TRIM2: variants seen among roughly 807,000 people sequenced by gnomAD.
TRIM2 encodes tripartite motif containing 2.
In TRIM2, 20 loss-of-function variants were observed where a neutral mutation model predicts 75.2. The ratio of observed to expected loss-of-function variants is 0.27; its 90% CI spans 0.19 to 0.39. TRIM2 has a LOEUF of 0.39. Among genes scored for constraint, TRIM2 ranks in the 10% least tolerant of loss-of-function variants. The pLI is 1.00. For missense variants in TRIM2, 660 were observed against 990.8 expected, an observed-to-expected ratio of 0.67 and a Z score of 4.48; for synonymous variants, 373 against 388.3, an observed-to-expected ratio of 0.96 and a Z score of 0.46.
At chr4:153,169,378 CTTTA>C (rs745621300) in intron 1 of TRIM2, among the ~76,000 whole-genome samples, 1 of 152,156 alleles carries the variant, frequency 6.6e-6, no homozygotes, top group Non-Finnish European at 1.5e-5. Context: ...ATCCAGTTTG[CTTTA>C]TTTAACAGTT....
At chr4:153,244,450 G>A (rs1424749072) in intron 1 of TRIM2, among the ~76,000 whole-genome samples, 1 of 122,586 alleles carries the variant, frequency 8.2e-6, no homozygotes, top group East Asian at 2.5e-4. Flanking sequence ...AATTAGAGAG[G>A]AGGCCTCACT....
chr4:153,337,140 T>A lies in TRIM2; in HGVS notation c.*2174T>A. ...GCACAAAAGACAGGCTAGACTCTTGTCTAGATTGTTTAAAAGAAACTTTTC... is the reference window on the plus strand; with the variant it reads ...GCACAAAAGACAGGCTAGACTCTTGACTAGATTGTTTAAAAGAAACTTTTC... On this transcript the variant is annotated 3_prime_UTR_variant, in exon 12 of 12. Transcript: ENST00000338700. 12 of 985,442 alleles carry A rather than the reference T, an allele frequency of 1.2e-5. No homozygotes were observed. Among genetic ancestry groups the A allele is most frequent in the Non-Finnish European group, 1.4e-5 (12 of 829,924 alleles). 61.0% of individuals were successfully genotyped at this position (985,442 alleles called of 1,614,324 possible).
At chr4:153,253,763 C>T (rs970265269) in intron 1 of TRIM2, among the ~76,000 whole-genome samples, 3 of 152,136 alleles carry the variant, frequency 2.0e-5, no homozygotes, top group Admixed American at 1.3e-4. Context: ...CTCCCACCAG[C>T]GCTGCGACAG....
At chr4:153,275,715 C>T (rs1757858289) in intron 2 of TRIM2, among the ~76,000 whole-genome samples, 178 bp from the exon 3 acceptor site, 1 of 152,160 alleles carries the variant, frequency 6.6e-6, no homozygotes, top group Non-Finnish European at 1.5e-5. Flanking sequence ...AATCATTTGC[C>T]TCATTAGTGT....
In TRIM2 at chr4:153,276,066, T is replaced by C; in HGVS notation, c.389T>C (p.Ile130Thr). The C allele has an allele frequency of 1.2e-6, 2 of 1,614,200 alleles. No homozygotes were observed. The highest frequency in any genetic ancestry group is 1.1e-5 in the South Asian group (1 of 91,074). ...TPGSNAEESS[I>T]LETVTAVAAG... ...GGCAGCAACGCTGAGGAGTCTTCCA[T>C]CCTGGAGACAGTCACTGCTGTGGCT... Residue 130 changes from isoleucine to threonine, a missense_variant, in exon 3 of 12, where the codon ATC becomes ACC. Around this residue, in one of 2 missense-constraint regions of TRIM2, gnomAD observed 620 missense variants for 891.0 expected, o/e 0.70. Coordinates refer to ENST00000338700, the MANE Select transcript of TRIM2 (RefSeq NM_015271.5).
At chr4:153,170,419 T>C (rs1436422946) in intron 1 of TRIM2, among the ~76,000 whole-genome samples, 3 of 152,162 alleles carry the variant, frequency 2.0e-5, no homozygotes, top group African/African-American at 7.2e-5. Flanking sequence ...AGCTTCAGGC[T>C]GATGGTGCAG....
At chr4:153,222,998 C>T (rs1189897172) in intron 1 of TRIM2, 4 of 152,250 alleles carry the variant, frequency 2.6e-5, no homozygotes, top group African/African-American at 9.7e-5. Context: ...CAGGCCACTC[C>T]GGAGCGCGCG....
chr4:153,288,605 T>C (rs1024245147), intron 3 of TRIM2, among the ~76,000 whole-genome samples: 1 of 152,194 alleles, frequency 6.6e-6, no homozygotes, highest in Non-Finnish European at 1.5e-5. Context: ...TTAAGTTTTT[T>C]GGATGTGTAG....
chr4:153,284,487 A>G, intron 3 of TRIM2, among the ~76,000 whole-genome samples: 1 of 152,136 alleles, frequency 6.6e-6, no homozygotes, highest in East Asian at 1.9e-4. Flanking sequence ...TACAGGCATG[A>G]GCCACCATGC....
intron 8 of TRIM2, among the ~76,000 whole-genome samples, chr4:153,316,873 C>CTTTTTTTTTTTTTTTTTTTTTTTTT (rs11397245): frequency 1.6e-5 from 1 of 61,576 alleles, no homozygotes; most frequent in Non-Finnish European, 2.6e-5. Context: ...TGCATTATGC[C>CTTTTTTTTTTTTTTTTTTTTTTTTT]TTTTTTTTTT....
At chr4:153,292,139 G>T (rs1212346947) in intron 3 of TRIM2, among the ~76,000 whole-genome samples, 1 of 152,140 alleles carries the variant, frequency 6.6e-6, no homozygotes, top group Non-Finnish European at 1.5e-5. Flanking sequence ...GACATTATTT[G>T]CTTTTTTCAC....
intron 1 of TRIM2, chr4:153,223,109 G>C (rs1741114705): frequency 6.6e-6 from 1 of 152,160 alleles, no homozygotes; most frequent in Non-Finnish European, 1.5e-5. Flanking sequence ...CGGAGCGTGC[G>C]GGAAGCCTGC....
At chr4:153,257,710 A>T in intron 1 of TRIM2, 1 of 763,622 alleles carries the variant, frequency 1.3e-6, no homozygotes, top group Non-Finnish European at 2.0e-6. Context: ...GCAGCGACAG[A>T]CTTGGGAGGA....
At chr4:153,326,994 AAAAAG>A (rs1275795939) in intron 10 of TRIM2, among the ~76,000 whole-genome samples, 1 of 148,000 alleles carries the variant, frequency 6.8e-6, no homozygotes, top group Admixed American at 6.7e-5. Flanking sequence ...AAAAAAAAAA[AAAAAG>A]AAAGAAAGAT....
intron 1 of TRIM2, among the ~76,000 whole-genome samples, chr4:153,154,666 A>G (rs544671930): frequency 6.6e-6 from 1 of 152,344 alleles, no homozygotes; most frequent in South Asian, 2.1e-4. Context: ...AATCCTCAGA[A>G]AAGTAGTAAT....
At chr4:153,171,708 T>C (rs1029372813) in intron 1 of TRIM2, among the ~76,000 whole-genome samples, 2 of 152,074 alleles carry the variant, frequency 1.3e-5, no homozygotes, top group African/African-American at 2.4e-5. Flanking sequence ...TTTTGGAAAA[T>C]TGGAAAATTA....
At chr4:153,185,098 T>C (rs1025996417) in intron 1 of TRIM2, among the ~76,000 whole-genome samples, 2 of 152,242 alleles carry the variant, frequency 1.3e-5, no homozygotes, top group African/African-American at 4.8e-5. Flanking sequence ...CCACAGTGAT[T>C]TGCCCTTTGT....
At chr4:153,333,134 C>T (rs1010344615) in intron 11 of TRIM2, among the ~76,000 whole-genome samples, 5 of 152,028 alleles carry the variant, frequency 3.3e-5, no homozygotes, top group African/African-American at 1.2e-4. Flanking sequence ...TATGACTTGG[C>T]ATTAAAACGG....
chr4:153,159,696 T>C (rs1037541257), intron 1 of TRIM2, among the ~76,000 whole-genome samples: 2 of 152,176 alleles, frequency 1.3e-5, no homozygotes, highest in African/African-American at 4.8e-5. Context: ...AAAAGATTCA[T>C]GAAAATTTGA....
Sources: allele counts gnomAD v4.1 joint callset (sites outside exome capture counted in the v4.1 genomes callset), GRCh38; gene constraint gnomAD v4.1.1; regional missense constraint gnomAD v4.1.1; transcripts MANE v1.5; gene names NCBI Gene and HGNC (gene_info 2026-07-23, HGNC 2026-07-21).